The following SLC8A1 variants were observed in gnomAD, a reference collection of about 807,000 sequenced individuals.
SLC8A1 encodes sodium/calcium exchanger 1.
In SLC8A1, 18 loss-of-function variants were observed where a neutral mutation model predicts 68.3. The ratio of observed to expected loss-of-function variants is 0.26; its 90% CI spans 0.18 to 0.39. The LOEUF (loss-of-function observed/expected upper bound fraction) is 0.39, where lower values mean the gene tolerates loss of function less well. SLC8A1 is among the 10% of genes least tolerant of loss of function. The pLI, the probability that SLC8A1 is intolerant of heterozygous loss-of-function variation, is 1.00. For synonymous variants in SLC8A1, 475 were observed against 415.5 expected (o/e 1.14, Z -1.74); for missense variants, 985 against 1,156.7 (o/e 0.85, Z 2.15).
intron 2 of SLC8A1, among the ~76,000 whole-genome samples, chr2:40,375,900 C>G (rs1210165480): frequency 3.9e-5 from 6 of 152,158 alleles, no homozygotes; most frequent in African/African-American, 1.4e-4. Flanking sequence ...TACTCAGAGG[C>G]TGACATGGGA....
intron 2 of SLC8A1, among the ~76,000 whole-genome samples, chr2:40,395,401 A>G (rs1318628051): frequency 3.3e-5 from 5 of 152,122 alleles, no homozygotes; most frequent in Non-Finnish European, 1.5e-5. Flanking sequence ...CCCTCTTATG[A>G]CAATGGTCTG....
chr2:40,161,671 CTAAG>C (rs2045713114), intron 5 of SLC8A1, among the ~76,000 whole-genome samples: 1 of 152,160 alleles, frequency 6.6e-6, no homozygotes, highest in African/African-American at 2.4e-5. Flanking sequence ...CACGAGAAAA[CTAAG>C]TAAGCAGATG....
intron 1 of SLC8A1, among the ~76,000 whole-genome samples, chr2:40,459,731 G>A (rs1341270754): frequency 2.0e-5 from 3 of 152,120 alleles, no homozygotes; most frequent in Non-Finnish European, 4.4e-5. Context: ...CAGCATTGGT[G>A]GGCAGTGTTG....
At chr2:40,457,888 A>G (rs919421197) in intron 1 of SLC8A1, among the ~76,000 whole-genome samples, 2 of 152,152 alleles carry the variant, frequency 1.3e-5, no homozygotes, top group African/African-American at 4.8e-5. Context: ...GGTTACTCTC[A>G]TTTTACAGAC....
Position 40,264,425 on chromosome 2 carries a change from C to G in SLC8A1, c.1809-86570G>C, listed in dbSNP as rs1205772475. ...CGTATGTTTATTGCGGCACTATTCA[C>G]AATAGCAAAGACTTGGAACCAACCC... On this transcript the variant is annotated intron_variant, in intron 2 of 7. Transcript: ENST00000406785. Among the ~76,000 whole-genome samples the G allele has an allele frequency of 8.5e-5, 13 of 152,120 alleles. No individual in the cohort carries two copies. The East Asian group carries it at 2.5e-3, about 29-fold the overall frequency.
exon 8 of SLC8A1, chr2:40,110,973 A>G (rs1191979899): frequency 1.3e-5 from 2 of 152,140 alleles, no homozygotes; most frequent in Non-Finnish European, 2.9e-5. Flanking sequence ...TTGCTGTGGA[A>G]TCACCAATGA....
intron 1 of SLC8A1, among the ~76,000 whole-genome samples, chr2:40,503,522 T>A (rs1706179191): frequency 5.9e-5 from 9 of 152,012 alleles, no homozygotes; most frequent in Non-Finnish European, 1.0e-4. Flanking sequence ...CAAACTGTCC[T>A]TGTTTGCCGA....
intron 2 of SLC8A1, among the ~76,000 whole-genome samples, chr2:40,247,650 C>CATG (rs2062070004): frequency 6.7e-6 from 1 of 149,952 alleles, no homozygotes; most frequent in Non-Finnish European, 1.5e-5. Context: ...GTTTATAACT[C>CATG]TATTTTAAAT....
chr2:40,441,806 T>A (rs1700537355), intron 1 of SLC8A1, among the ~76,000 whole-genome samples: 1 of 151,622 alleles, frequency 6.6e-6, no homozygotes, highest in Non-Finnish European at 1.5e-5. Flanking sequence ...CTTAAAACCA[T>A]AAAAACCCTA....
At chr2:40,479,802 G>T (rs1704515341) in intron 1 of SLC8A1, among the ~76,000 whole-genome samples, 1 of 152,126 alleles carries the variant, frequency 6.6e-6, no homozygotes, top group African/African-American at 2.4e-5. Flanking sequence ...AATATTGGGA[G>T]AAAAATATAA....
chr2:40,385,958 C>A (rs1400122617), intron 2 of SLC8A1, among the ~76,000 whole-genome samples: 2 of 138,462 alleles, frequency 1.4e-5, no homozygotes, highest in South Asian at 2.2e-4. Context: ...AAAATGTAAA[C>A]CTTCTGAATT....
intron 7 of SLC8A1, among the ~76,000 whole-genome samples, chr2:40,127,059 G>A (rs2148164270): frequency 6.6e-6 from 1 of 152,220 alleles, no homozygotes; most frequent in East Asian, 1.9e-4. Flanking sequence ...ATGGTGTGGA[G>A]GAAAAACCAC....
intron 2 of SLC8A1, among the ~76,000 whole-genome samples, chr2:40,368,841 A>AC (rs1559412388): frequency 6.6e-6 from 1 of 152,096 alleles, no homozygotes; most frequent in East Asian, 1.9e-4. Context: ...AAAAATAGAC[A>AC]TAAAGACCAA....
chr2:40,239,839 G>C (rs1574541075), intron 2 of SLC8A1, among the ~76,000 whole-genome samples: 1 of 152,280 alleles, frequency 6.6e-6, no homozygotes, highest in South Asian at 2.1e-4. Flanking sequence ...ATCCTCCTTA[G>C]TGTATGTATC....
At chr2:40,365,218 CA>C (rs547523029) in intron 2 of SLC8A1, among the ~76,000 whole-genome samples, 4,355 of 142,712 alleles carry the variant, frequency 0.031, 79 homozygotes, top group African/African-American at 0.051. Flanking sequence ...ATGACTAAAC[CA>C]AAAAAAAAAA....
At chr2:40,338,870 T>A (rs1666835838) in intron 2 of SLC8A1, among the ~76,000 whole-genome samples, 1 of 151,820 alleles carries the variant, frequency 6.6e-6, no homozygotes, top group African/African-American at 2.4e-5. Context: ...AACAGCGTGC[T>A]GTATCTTATA....
chr2:40,258,387 A>T (rs1475861118), intron 2 of SLC8A1, among the ~76,000 whole-genome samples: 2 of 152,224 alleles, frequency 1.3e-5, no homozygotes, highest in African/African-American at 4.8e-5. Context: ...AAAGTAACTG[A>T]CATTCGTATT....
intron 2 of SLC8A1, among the ~76,000 whole-genome samples, chr2:40,379,347 C>T (rs1367524461): frequency 6.6e-6 from 1 of 152,096 alleles, no homozygotes; most frequent in Non-Finnish European, 1.5e-5. Flanking sequence ...GAAGTTTTAG[C>T]TAATGTAGAT....
chr2:40,486,204 T>G (rs907235364), intron 1 of SLC8A1, among the ~76,000 whole-genome samples: 1 of 152,192 alleles, frequency 6.6e-6, no homozygotes, highest in Non-Finnish European at 1.5e-5. Flanking sequence ...CTGCCATGAT[T>G]GTAAATTTCC....
Sources: gnomAD v4.1 joint callset for allele counts (sites outside exome capture counted in the v4.1 genomes callset) on GRCh38, gnomAD v4.1.1 for gene constraint, MANE v1.5 for transcripts, NCBI Gene and HGNC (gene_info 2026-07-23, HGNC 2026-07-21) for gene names.